SKI: variants seen among roughly 807,000 people sequenced by gnomAD.
SKI encodes the protein ski oncogene.
A neutral mutation model predicts 59.3 loss-of-function variants in SKI; 23 were observed. The ratio of observed to expected loss-of-function variants is 0.39; its 90% confidence interval spans 0.28 to 0.55. The LOEUF (loss-of-function observed/expected upper bound fraction) is 0.55. SKI is among the 20% of genes least tolerant of loss of function. The probability of loss-of-function intolerance (pLI) is 0.67; values close to 1 mark genes in which losing one functional copy is unlikely to be tolerated. For missense variants in SKI, 1,017 were observed against 1,038.9 expected (o/e 0.98, Z 0.29); for synonymous variants, 673 against 488.6 (o/e 1.38, Z -4.98).
At chr1:2,276,311 T>C (rs182044386) in intron 1 of SKI, among the ~76,000 whole-genome samples, 1 of 152,194 alleles carries the variant, frequency 6.6e-6, no homozygotes, top group East Asian at 1.9e-4. Context: ...TCTCAGAAGT[T>C]CACCTGCTGC....
At chr1:2,292,693 G>A (rs1640189274) in intron 1 of SKI, among the ~76,000 whole-genome samples, 1 of 152,242 alleles carries the variant, frequency 6.6e-6, no homozygotes, top group African/African-American at 2.4e-5. Flanking sequence ...GGGAGGGAGA[G>A]AGGAAGGCCT....
chr1:2,265,133 T>A (rs1268327104), intron 1 of SKI, among the ~76,000 whole-genome samples: 1 of 152,184 alleles, frequency 6.6e-6, no homozygotes, highest in Non-Finnish European at 1.5e-5. Context: ...TCTTTAAGAT[T>A]GTCTCTTTGT....
In SKI at chr1:2,302,975, C is replaced by T. The variant is rs1472547715; in HGVS notation, c.970-3C>T. The T allele has an allele frequency of 6.2e-7, 1 of 1,613,372 alleles. No homozygotes were observed. Among genetic ancestry groups the T allele is most frequent in the Non-Finnish European group, 8.5e-7 (1 of 1,180,032 alleles). On this transcript the variant is annotated splice_polypyrimidine_tract_variant and splice_region_variant and intron_variant, in intron 1 of 6. Transcript: ENST00000378536. Reference sequence around the variant, plus strand: ...TGCCAACAAAACCTTTCATTGATCGCAGGTCTCCTCTGAGCCTCCGGCCTC... The same window carrying T: ...TGCCAACAAAACCTTTCATTGATCGTAGGTCTCCTCTGAGCCTCCGGCCTC...
At position 2,302,991 on chromosome 1, in the gene SKI, C is replaced by G. The variant is rs777251951; in HGVS notation, c.983C>G (p.Pro328Arg). 1.9e-6 allele frequency: 3 copies of G among 1,613,594 alleles called. 1 individual carries two copies. The highest frequency in any genetic ancestry group is 2.2e-5 in the South Asian group (2 of 91,086). ...KRRVPRVSSE[P>R]PASIRPKTDD... ...CATTGATCGCAGGTCTCCTCTGAGCCTCCGGCCTCCATAAGACCCAAAACA... is the reference window on the plus strand; with the variant it reads ...CATTGATCGCAGGTCTCCTCTGAGCGTCCGGCCTCCATAAGACCCAAAACA... Residue 328 changes from proline to arginine, a missense_variant, in exon 2 of 7, where the codon CCT (proline) becomes CGT (arginine). Coordinates refer to ENST00000378536, the MANE Select transcript of SKI (RefSeq NM_003036.4).
intron 6 of SKI, 28 bp from the exon 7 acceptor site, chr1:2,306,549 C>A: frequency 1.3e-6 from 2 of 1,533,542 alleles, no homozygotes; most frequent in South Asian, 1.2e-5. Context: ...AGCGAGCAGG[C>A]GCCGCTGACC....
At chr1:2,257,063 C>T (rs1225539800) in intron 1 of SKI, among the ~76,000 whole-genome samples, 1 of 152,246 alleles carries the variant, frequency 6.6e-6, no homozygotes. Context: ...TCCGCCTTAT[C>T]ATGAGCACTT....
chr1:2,229,966 T>C lies in SKI; in HGVS notation c.969+231T>C, dbSNP rs1411513328. 2.0e-5 allele frequency among the ~76,000 whole-genome samples: 3 copies of C among 152,088 alleles called. No homozygotes were observed. The highest frequency in any genetic ancestry group is 2.9e-5 in the Non-Finnish European group (2 of 68,000). On this transcript the variant is annotated intron_variant, in intron 1 of 6. Coordinates refer to ENST00000378536, the MANE Select transcript of SKI (RefSeq NM_003036.4). This position sits in a 1 kb window ranked among gnomAD's most constrained non-coding sequence, Gnocchi z 6.3. ...CAGGACGAGCCTGGAGTGCGGGCTGTGGCGGTGGGGTGGGGGGCCAGGCCT... is the reference window on the plus strand; with the variant it reads ...CAGGACGAGCCTGGAGTGCGGGCTGCGGCGGTGGGGTGGGGGGCCAGGCCT...
chr1:2,285,125 T>C (rs1466261250), intron 1 of SKI, among the ~76,000 whole-genome samples: 1 of 152,186 alleles, frequency 6.6e-6, no homozygotes, highest in African/African-American at 2.4e-5. Context: ...GGTGTGGCCG[T>C]GTGGACTTGT....
At chr1:2,275,241 G>A (rs973592884) in intron 1 of SKI, among the ~76,000 whole-genome samples, 1 of 152,236 alleles carries the variant, frequency 6.6e-6, no homozygotes, top group African/African-American at 2.4e-5. Context: ...TGAGAGGTCA[G>A]AGCAGTGGCC....
chr1:2,274,444 T>G (rs1639698256), intron 1 of SKI, among the ~76,000 whole-genome samples: 1 of 151,852 alleles, frequency 6.6e-6, no homozygotes, highest in Non-Finnish European at 1.5e-5. Flanking sequence ...CCGAGGGTGG[T>G]GTGGGGCTGC....
chr1:2,241,757 TC>T (rs1364287883), intron 1 of SKI, among the ~76,000 whole-genome samples: 1 of 152,210 alleles, frequency 6.6e-6, no homozygotes, highest in African/African-American at 2.4e-5. Flanking sequence ...TGTTTCAATA[TC>T]CACATCTAAG....
intron 1 of SKI, among the ~76,000 whole-genome samples, chr1:2,243,026 C>G (rs1030353485): frequency 6.6e-6 from 1 of 152,240 alleles, no homozygotes; most frequent in African/African-American, 2.4e-5. Context: ...CAGAGTTGTT[C>G]TTGGTTTGTC....
intron 1 of SKI, among the ~76,000 whole-genome samples, chr1:2,292,503 C>T (rs1424372040): frequency 2.0e-5 from 3 of 152,272 alleles, no homozygotes; most frequent in African/African-American, 7.2e-5. Context: ...GACCCCACCT[C>T]GAGAGCTCCT....
chr1:2,241,584 G>C (rs555370844), intron 1 of SKI, among the ~76,000 whole-genome samples: 1 of 152,056 alleles, frequency 6.6e-6, no homozygotes, highest in Admixed American at 6.6e-5. Flanking sequence ...TAGTAGAGAC[G>C]GGGTTTTACC....
At chr1:2,234,566 C>G (rs1031742711) in intron 1 of SKI, among the ~76,000 whole-genome samples, 4 of 152,180 alleles carry the variant, frequency 2.6e-5, no homozygotes, top group Non-Finnish European at 5.9e-5. Flanking sequence ...GGGCCACAGC[C>G]CCAGCTTAGG....
chr1:2,238,140 A>C (rs530955954), intron 1 of SKI, among the ~76,000 whole-genome samples: 2 of 152,296 alleles, frequency 1.3e-5, no homozygotes, highest in East Asian at 3.9e-4. Flanking sequence ...TGGCCCTGGG[A>C]GGTCTGTCTG....
rs909757247 is a variant in SKI at position 2,293,617 on chromosome 1, T to C, written c.970-9361T>C. Among the ~76,000 whole-genome samples, 35 of 152,326 alleles carry C rather than the reference T, an allele frequency of 2.3e-4. 1 individual carries two copies. The highest frequency in any genetic ancestry group is 2.2e-3 in the Admixed American group (34 of 15,292). On this transcript the variant is annotated intron_variant, in intron 1 of 6. Coordinates refer to ENST00000378536, the MANE Select transcript of SKI (RefSeq NM_003036.4). ...GAGCATCTGGTATCTCCCTGGTGTT[T>C]GGGATGTCTCCTTCTCATTCCCCCG...
chr1:2,276,440 C>G (rs1006506312), intron 1 of SKI, among the ~76,000 whole-genome samples: 1 of 152,208 alleles, frequency 6.6e-6, no homozygotes, highest in Admixed American at 6.5e-5. Flanking sequence ...GCTCTCCTGG[C>G]CCCTGGGCCA....
chr1:2,247,257 G>T (rs936126027), intron 1 of SKI, among the ~76,000 whole-genome samples: 1 of 152,182 alleles, frequency 6.6e-6, no homozygotes, highest in African/African-American at 2.4e-5. Flanking sequence ...GTGGGCATGT[G>T]TGTGCACAGG....
Sources: gnomAD v4.1 joint callset for allele counts (sites outside exome capture counted in the v4.1 genomes callset) on GRCh38, gnomAD v4.1.1 for gene constraint, Gnocchi (gnomAD v3.1) non-coding constraint, MANE v1.5 for transcripts, NCBI Gene and HGNC (gene_info 2026-07-23, HGNC 2026-07-21) for gene names.